CD22: variants seen among roughly 807,000 people sequenced by gnomAD.
CD22 encodes the protein CD22 molecule, also known as B-cell receptor CD22.
In CD22, 51 loss-of-function variants were observed where a neutral mutation model predicts 94.7. That is an observed-to-expected ratio of 0.54 (90% CI 0.43 to 0.68). CD22 has a LOEUF of 0.68. Ranked by LOEUF, CD22 falls within the 30% of genes least tolerant of loss-of-function variation. The pLI, the probability that CD22 is intolerant of heterozygous loss-of-function variation, is 0.00. For synonymous variants in CD22, 424 were observed against 422.5 expected (o/e 1.00, Z -0.04); for missense variants, 931 against 1,060.4 (o/e 0.88, Z 1.69).
Position 35,341,594 on chromosome 19 carries a change from C to G in CD22, c.1759C>G (p.Leu587Val), listed in dbSNP as rs1158929559. ...ACAGACAGCGTCCAAGGCCTGGACA[C>G]TTGAAGTGCTGTGTGAGTGAGGGCC... ...IGQTASKAWTLEVLYAPRRLR... is the reference protein window; with the variant it reads ...IGQTASKAWTVEVLYAPRRLR... Residue 587 changes from leucine (L) to valine (V), a missense_variant, in exon 8 of 14, where the codon CTT (leucine) becomes GTT (valine). Transcript: ENST00000085219. This position sits in a 1 kb window ranked among gnomAD's most constrained non-coding sequence, Gnocchi z 4.0. The G allele has an allele frequency of 1.6e-5, 26 of 1,610,856 alleles. 1 individual carries two copies. The South Asian group carries it at 2.9e-4, about 18-fold the overall frequency.
chr19:35,344,324 A>G (rs557681421), intron 9 of CD22, among the ~76,000 whole-genome samples: 3 of 152,368 alleles, frequency 2.0e-5, no homozygotes, highest in South Asian at 2.1e-4. Flanking sequence ...TTCCCTGGGT[A>G]TCCCCTTTGC....
chr19:35,336,287 C>T lies in CD22; in HGVS notation c.664C>T (p.Gln222Ter), dbSNP rs774460818. ...TGGGAAGATTGTGACCTGCCAGCTT[C>T]AGGATGCAGATGGGAAGTTCCTCTC... is the stretch of plus-strand genomic sequence containing the variant. Reference protein sequence around the residue: ...HHGKIVTCQLQDADGKFLSND... With the variant: ...HHGKIVTCQL The change falls in exon 4 of 14, where the codon CAG (glutamine) becomes TAG (stop). Residue 222 changes from glutamine (Q) to a stop codon, truncating the protein, a stop_gained. Coordinates refer to ENST00000085219, the MANE Select transcript of CD22 (RefSeq NM_001771.4). LOFTEE classifies it high-confidence loss of function. 1 of 1,614,236 alleles carries T rather than the reference C, an allele frequency of 6.2e-7. No homozygotes were observed. The highest frequency in any genetic ancestry group is 1.1e-5 in the South Asian group (1 of 91,086).
intron 9 of CD22, among the ~76,000 whole-genome samples, chr19:35,342,959 T>C (rs571252947): frequency 1.2e-4 from 18 of 152,194 alleles, no homozygotes; most frequent in Admixed American, 2.6e-4. Context: ...TACAGGCGCC[T>C]GCCACCATGC....
Position 35,337,796 on chromosome 19 carries a change from A to G in CD22, c.760A>G (p.Ile254Val). ...GATCAAGGTCACTCCCAGTGATGCC[A>G]TAGTGAGGGAGGGGGACTCTGTGAC... The part of the protein sequence containing the change: ...LEIKVTPSDA[I>V]VREGDSVTMT... Residue 254 changes from isoleucine (I) to valine (V), a missense_variant, in exon 5 of 14, where the codon ATA becomes GTA. Ile to Val is a conservative substitution (Grantham distance 29). Coordinates refer to ENST00000085219, the MANE Select transcript of CD22 (RefSeq NM_001771.4). This position sits in a 1 kb window ranked among gnomAD's most constrained non-coding sequence, Gnocchi z 4.4. 1 of 1,610,822 alleles carries G rather than the reference A, an allele frequency of 6.2e-7. No individual in the cohort carries two copies. Among genetic ancestry groups the G allele is most frequent in the East Asian group, 2.2e-5 (1 of 44,764 alleles).
intron 4 of CD22, 52 bp downstream of exon 4, chr19:35,336,393 C>A: frequency 6.4e-7 from 1 of 1,562,794 alleles, no homozygotes; most frequent in South Asian, 1.2e-5. Context: ...GTCACCTTCT[C>A]CCCAGCCCCG....
rs747966833 is a variant in CD22 at position 35,336,295 on chromosome 19, A to C, written c.672A>C (p.Ala224=). The C allele has an allele frequency of 3.7e-6, 6 of 1,614,108 alleles. No homozygotes were observed. The highest frequency in any genetic ancestry group is 8.5e-7 in the Non-Finnish European group (1 of 1,180,044). ...TTGTGACCTGCCAGCTTCAGGATGC[A>C]GATGGGAAGTTCCTCTCCAATGACA... The part of the protein sequence containing the change: ...GKIVTCQLQD[A]DGKFLSNDTV... The change falls in exon 4 of 14, where the codon GCA becomes GCC. Residue 224 remains alanine, a synonymous_variant. Coordinates refer to ENST00000085219, the MANE Select transcript of CD22 (RefSeq NM_001771.4).
At position 35,333,136 on chromosome 19, in the gene CD22, C is replaced by T. The variant is rs1431917332; in HGVS notation, c.412+212C>T. On this transcript the variant is annotated intron_variant, in intron 3 of 13. Transcript: ENST00000085219. ...ACCCTCAGTTCCTGCCCCTCTGGGA[C>T]CTGGATTCCAAAGTTATCGGATCTC... is the stretch of plus-strand genomic sequence containing the variant. 25 of 544,154 alleles carry T rather than the reference C, an allele frequency of 4.6e-5. 1 individual carries two copies. Among genetic ancestry groups the T allele is most frequent in the Non-Finnish European group, 7.8e-5 (24 of 308,518 alleles). 33.7% of individuals were successfully genotyped at this position (544,154 alleles called of 1,614,324 possible).
chr19:35,336,229 C>A lies in CD22; in HGVS notation c.606C>A (p.Ser202Arg), dbSNP rs764611503. The change falls in exon 4 of 14, where the codon AGC (serine) becomes AGA (arginine). Residue 202 changes from serine to arginine, a missense_variant. Physicochemically the swap from Ser to Arg is moderately radical, Grantham distance 110. Transcript: ENST00000085219. The stretch of plus-strand genomic sequence containing the variant: ...CCATCAAGTCTGTCTTCACCCGGAG[C>A]GAGCTCAAGTTCTCCCCACAGTGGA... ...SLTIKSVFTR[S>R]ELKFSPQWSH... 28 of 1,614,222 alleles carry A rather than the reference C, an allele frequency of 1.7e-5. No homozygotes were observed. The South Asian group carries it at 2.6e-4, about 15-fold the overall frequency.
chr19:35,329,212 G>T lies in CD22; in HGVS notation c.-41G>T. The T allele has an allele frequency of 7.8e-7, 1 of 1,289,564 alleles. No homozygotes were observed. 79.9% of individuals were successfully genotyped at this position (1,289,564 alleles called of 1,614,324 possible). On this transcript the variant is annotated 5_prime_UTR_variant, in exon 1 of 14. Transcript: ENST00000085219. Reference sequence around the variant, plus strand: ...AGATGCTGCCAGGGTCCCTGAAGAGGGAAGACACGCGGAAACAGGTAAAAA... The same window carrying T: ...AGATGCTGCCAGGGTCCCTGAAGAGTGAAGACACGCGGAAACAGGTAAAAA...
intron 9 of CD22, among the ~76,000 whole-genome samples, chr19:35,342,904 G>A (rs912749528): frequency 9.2e-5 from 14 of 152,094 alleles, no homozygotes; most frequent in African/African-American, 2.7e-4. Context: ...TCTGCCTCCC[G>A]GGTTCACGCC....
Position 35,344,826 on chromosome 19 carries a change from CAG to C in CD22, c.2036-1_2036del, listed in dbSNP as rs2066876257. 1 of 1,602,556 alleles carries C rather than the reference CAG, an allele frequency of 6.2e-7. No homozygotes were observed. The highest frequency in any genetic ancestry group is 1.7e-5 in the Admixed American group (1 of 59,088). On this transcript the variant is annotated splice_acceptor_variant, in intron 9 of 13. Coordinates refer to ENST00000085219, the MANE Select transcript of CD22 (RefSeq NM_001771.4). LOFTEE classifies it high-confidence loss of function. ...GATTAAGGTCTCTCCTTTCTCCACC[CAG>C]ATAGCCCGGAGACCATCGGCAGGCG...
In CD22 at chr19:35,341,308, A is replaced by G; in HGVS notation, c.1508-35A>G. ...CCTGGGGACAGCAAAAGGGACAGGGAGCGGAGAGGTCAGCTTGGGACCCTT... is the reference window on the plus strand; with the variant it reads ...CCTGGGGACAGCAAAAGGGACAGGGGGCGGAGAGGTCAGCTTGGGACCCTT... On this transcript the variant is annotated intron_variant, in intron 7 of 13. Coordinates refer to ENST00000085219, the MANE Select transcript of CD22 (RefSeq NM_001771.4). This position sits in a 1 kb window ranked among gnomAD's most constrained non-coding sequence, Gnocchi z 4.0. The G allele has an allele frequency of 6.2e-7, 1 of 1,607,678 alleles. No homozygotes were observed. The highest frequency in any genetic ancestry group is 8.5e-7 in the Non-Finnish European group (1 of 1,175,816).
At chr19:35,332,105 GT>G in intron 2 of CD22, 31 bp downstream of exon 2, 2 of 1,613,882 alleles carry the variant, frequency 1.2e-6, no homozygotes, top group South Asian at 1.1e-5. Context: ...TAGTACTGGG[GT>G]TCTGGGATGT....
chr19:35,331,821 TG>T, intron 1 of CD22, 197 bp from the exon 2 acceptor site: 1 of 1,114,388 alleles, frequency 9.0e-7, no homozygotes, highest in Non-Finnish European at 1.2e-6. Context: ...CACTCTAGCC[TG>T]GGAGACAGAG....
chr19:35,346,391 A>G (rs569888002), intron 13 of CD22, among the ~76,000 whole-genome samples, 156 bp downstream of exon 13: 64 of 152,344 alleles, frequency 4.2e-4, no homozygotes, highest in Admixed American at 1.8e-3. Flanking sequence ...AGAGCTGGCC[A>G]GAGCCAGGCA....
At position 35,341,567 on chromosome 19, in the gene CD22, G is replaced by A; in HGVS notation, c.1732G>A (p.Gly578Arg). ...SYSCWVNNSI[G>R]QTASKAWTLE... Reference sequence around the variant, plus strand: ...CAGCTGCTGGGTGAACAACTCCATAGGACAGACAGCGTCCAAGGCCTGGAC... The same window carrying A: ...CAGCTGCTGGGTGAACAACTCCATAAGACAGACAGCGTCCAAGGCCTGGAC... The change falls in exon 8 of 14, where the codon GGA (glycine) becomes AGA (arginine). Residue 578 changes from glycine to arginine, a missense_variant. Gly to Arg is a moderately radical substitution (Grantham distance 125). Coordinates refer to ENST00000085219, the MANE Select transcript of CD22 (RefSeq NM_001771.4). This position sits in a 1 kb window ranked among gnomAD's most constrained non-coding sequence, Gnocchi z 4.0. 6.2e-7 allele frequency: 1 copy of A among 1,613,794 alleles called. No individual in the cohort carries two copies. The highest frequency in any genetic ancestry group is 8.5e-7 in the Non-Finnish European group (1 of 1,179,778).
Position 35,346,885 on chromosome 19 carries a change from A to G in CD22, c.*188A>G. ...TGGCTCAGAGCCAGTCTTTTTGGTGAGGGTAACCCCAAACCTCCAAAACTC... is the reference window on the plus strand; with the variant it reads ...TGGCTCAGAGCCAGTCTTTTTGGTGGGGGTAACCCCAAACCTCCAAAACTC... On this transcript the variant is annotated 3_prime_UTR_variant, in exon 14 of 14. Transcript: ENST00000085219. The G allele has an allele frequency of 1.6e-6, 1 of 611,284 alleles. No homozygotes were observed. Among genetic ancestry groups the G allele is most frequent in the Non-Finnish European group, 2.7e-6 (1 of 364,782 alleles). The allele number at this position is 611,284 out of a possible 1,614,324, so 37.9% of individuals were successfully genotyped here.
At chr19:35,340,189 C>T (rs7255951) in intron 6 of CD22, among the ~76,000 whole-genome samples, 5,709 of 152,196 alleles carry the variant, frequency 0.038, 127 homozygotes, top group Non-Finnish European at 0.056. Context: ...GTTTGCCACA[C>T]GCCACACTCT....
Position 35,337,625 on chromosome 19 carries a change from G to A in CD22, c.719-130G>A, listed in dbSNP as rs975849586. 3.9e-6 allele frequency: 3 copies of A among 774,880 alleles called. No individual in the cohort carries two copies. In the African/African-American group the frequency reaches 5.2e-5, roughly 14 times the overall value. The allele number at this position is 774,880 out of a possible 1,614,324, so 48.0% of individuals were successfully genotyped here. ...GAGGGGGAAGCTGAGAGCCGAGTTA[G>A]GAGGCTGTGACCATCACCTGGGTGA... On this transcript the variant is annotated intron_variant, in intron 4 of 13. Transcript: ENST00000085219. The surrounding 1 kb of genome is among the most constrained non-coding windows in gnomAD (Gnocchi z 4.4).
Sources: gnomAD v4.1 joint callset for allele counts (sites outside exome capture counted in the v4.1 genomes callset) on GRCh38, gnomAD v4.1.1 for gene constraint, Gnocchi (gnomAD v3.1) non-coding constraint, MANE v1.5 for transcripts, NCBI Gene and HGNC (gene_info 2026-07-23, HGNC 2026-07-21) for gene names.